Variants in NEGR1 observed in about 807,000 individuals in gnomAD.
NEGR1 encodes neuronal growth regulator 1, also known as IgLON family member 4.
A neutral mutation model predicts 40.9 loss-of-function variants in NEGR1; 10 were observed. The ratio of observed to expected loss-of-function variants is 0.24; its 90% CI spans 0.15 to 0.42. The LOEUF (loss-of-function observed/expected upper bound fraction) is 0.42, where lower values mean the gene tolerates loss of function less well. NEGR1 is among the 10% of genes least tolerant of loss of function. The probability of loss-of-function intolerance (pLI) is 1.00; values close to 1 mark genes in which losing one functional copy is unlikely to be tolerated. For missense variants in NEGR1, 352 were observed against 438.9 expected, an observed-to-expected ratio of 0.80 and a Z score of 1.77; for synonymous variants, 185 against 166.8, an observed-to-expected ratio of 1.11 and a Z score of -0.84.
chr1:71,650,868 T>C (rs1404122373), intron 4 of NEGR1, among the ~76,000 whole-genome samples: 1 of 152,204 alleles, frequency 6.6e-6, no homozygotes, highest in African/African-American at 2.4e-5. Flanking sequence ...TTTTTCATAC[T>C]TTTATTTAGG....
chr1:71,565,919 T>C (rs1305145203), intron 6 of NEGR1, among the ~76,000 whole-genome samples: 1 of 152,070 alleles, frequency 6.6e-6, no homozygotes, highest in Non-Finnish European at 1.5e-5. Flanking sequence ...AAGTCAAATA[T>C]TGAAAATATA....
intron 1 of NEGR1, among the ~76,000 whole-genome samples, chr1:72,115,560 G>T (rs997176044): frequency 2.2e-4 from 34 of 151,706 alleles, no homozygotes; most frequent in Non-Finnish European, 1.5e-5. Context: ...TTAGCTGCTG[G>T]ACAGAACAGA....
chr1:71,664,263 T>TG (rs1652166758), intron 4 of NEGR1, among the ~76,000 whole-genome samples: 1 of 152,172 alleles, frequency 6.6e-6, no homozygotes, highest in African/African-American at 2.4e-5. Context: ...GATGAACAAA[T>TG]GGAGCACCAC....
At chr1:71,693,714 C>G (rs1046818109) in intron 4 of NEGR1, among the ~76,000 whole-genome samples, 4 of 151,520 alleles carry the variant, frequency 2.6e-5, no homozygotes, top group African/African-American at 9.7e-5. Flanking sequence ...TATCTGACCA[C>G]AAGGCCCACA....
At chr1:71,494,676 G>A (rs981188438) in intron 6 of NEGR1, among the ~76,000 whole-genome samples, 1 of 152,116 alleles carries the variant, frequency 6.6e-6, no homozygotes, top group Non-Finnish European at 1.5e-5. Flanking sequence ...TTTGTGACTT[G>A]TGTCTGAAGT....
At chr1:71,663,906 C>T (rs1652152222) in intron 4 of NEGR1, among the ~76,000 whole-genome samples, 1 of 152,136 alleles carries the variant, frequency 6.6e-6, no homozygotes, top group South Asian at 2.1e-4. Flanking sequence ...AGGTAGCTGT[C>T]TCTATTGAGA....
At chr1:71,614,069 T>C (rs1650361320) in intron 4 of NEGR1, among the ~76,000 whole-genome samples, 2 of 152,168 alleles carry the variant, frequency 1.3e-5, no homozygotes, top group Admixed American at 1.3e-4. Flanking sequence ...ATTGCACTTC[T>C]ATTTCTCTGT....
intron 1 of NEGR1, among the ~76,000 whole-genome samples, chr1:72,115,372 G>C (rs752725407): frequency 2.0e-5 from 3 of 151,650 alleles, no homozygotes; most frequent in Non-Finnish European, 4.4e-5. Flanking sequence ...TCAATAGCAA[G>C]TTTTAAGTTT....
chr1:71,695,584 TAG>T (rs940493654), intron 4 of NEGR1, among the ~76,000 whole-genome samples: 16 of 151,806 alleles, frequency 1.1e-4, no homozygotes, highest in Non-Finnish European at 1.9e-4. Context: ...CTACCTATTC[TAG>T]AGTGTCTGAC....
intron 2 of NEGR1, among the ~76,000 whole-genome samples, chr1:71,842,219 G>A (rs1659266350): frequency 6.6e-6 from 1 of 152,082 alleles, no homozygotes; most frequent in South Asian, 2.1e-4. Flanking sequence ...CTAGAAGCCT[G>A]GCTATTCTGG....
chr1:71,840,406 G>T (rs983091487), intron 2 of NEGR1, among the ~76,000 whole-genome samples: 2 of 151,922 alleles, frequency 1.3e-5, no homozygotes, highest in African/African-American at 4.8e-5. Flanking sequence ...TATCTAATAA[G>T]TAGATACACC....
At chr1:71,422,407 A>C (rs889475332) in intron 6 of NEGR1, 3 of 152,226 alleles carry the variant, frequency 2.0e-5, no homozygotes, top group African/African-American at 7.2e-5. Flanking sequence ...GAAATGCACA[A>C]ATTGACTACT....
chr1:71,836,088 C>G (rs543590647), intron 2 of NEGR1, among the ~76,000 whole-genome samples: 1 of 152,168 alleles, frequency 6.6e-6, no homozygotes, highest in South Asian at 2.1e-4. Context: ...GCCTCTACCC[C>G]CTAATCTCTG....
At chr1:72,264,538 A>C (rs1655574080) in intron 1 of NEGR1, among the ~76,000 whole-genome samples, 1 of 113,682 alleles carries the variant, frequency 8.8e-6, no homozygotes. Context: ...AGTCACTATA[A>C]ATGATTATAT....
intron 1 of NEGR1, among the ~76,000 whole-genome samples, chr1:72,119,954 A>T (rs1649734762): frequency 6.6e-6 from 1 of 151,996 alleles, no homozygotes; most frequent in African/African-American, 2.4e-5. Flanking sequence ...TCTTATAGTG[A>T]GTTTAAAATA....
intron 1 of NEGR1, among the ~76,000 whole-genome samples, chr1:71,942,470 TA>T (rs1645970100): frequency 7.4e-5 from 1 of 13,512 alleles, no homozygotes; most frequent in African/African-American, 2.2e-4. Context: ...TATATATATA[TA>T]TATATATATA....
chr1:71,509,413 A>G (rs1257841242), intron 6 of NEGR1, among the ~76,000 whole-genome samples: 1 of 152,146 alleles, frequency 6.6e-6, no homozygotes, highest in Non-Finnish European at 1.5e-5. Flanking sequence ...CCATGGGATA[A>G]CTCTTGACTT....
At chr1:71,779,231 T>C (rs1656616169) in intron 2 of NEGR1, among the ~76,000 whole-genome samples, 1 of 152,228 alleles carries the variant, frequency 6.6e-6, no homozygotes, top group Admixed American at 6.5e-5. Flanking sequence ...TATTCAGAAC[T>C]ATTGCATATT....
intron 1 of NEGR1, chr1:72,101,031 C>T (rs975087556): frequency 6.6e-6 from 1 of 152,200 alleles, no homozygotes; most frequent in Non-Finnish European, 1.5e-5. Context: ...TCTAACCCTA[C>T]TTATCTGTCA....
Sources: allele counts gnomAD v4.1 joint callset (sites outside exome capture counted in the v4.1 genomes callset), GRCh38; gene constraint gnomAD v4.1.1; transcripts MANE v1.5; gene names NCBI Gene and HGNC (gene_info 2026-07-23, HGNC 2026-07-21).